SESTD1: variants seen among roughly 807,000 people sequenced by gnomAD.
SESTD1 encodes the protein SEC14 and spectrin domain containing 1.
A neutral mutation model predicts 101.7 loss-of-function variants in SESTD1; 43 were observed. The observed-to-expected ratio is 0.42, with a 90% CI of 0.33 to 0.55. The LOEUF (loss-of-function observed/expected upper bound fraction) is 0.55. Ranked by LOEUF, SESTD1 falls within the 20% of genes least tolerant of loss-of-function variation. The probability of loss-of-function intolerance (pLI) is 0.07; values close to 1 mark genes in which losing one functional copy is unlikely to be tolerated. For synonymous variants in SESTD1, 283 were observed against 286.8 expected, an observed-to-expected ratio of 0.99 and a Z score of 0.13; for missense variants, 647 against 815.1, an observed-to-expected ratio of 0.79 and a Z score of 2.51.
chr2:179,214,138 C>A (rs1409851166), intron 1 of SESTD1, among the ~76,000 whole-genome samples: 1 of 133,988 alleles, frequency 7.5e-6, no homozygotes, highest in South Asian at 2.9e-4. Flanking sequence ...CAATATTAAC[C>A]TTAAATGTAA....
chr2:179,147,157 GAAAAA>G (rs35908478), intron 7 of SESTD1, among the ~76,000 whole-genome samples: 2 of 147,930 alleles, frequency 1.4e-5, no homozygotes, highest in Non-Finnish European at 3.0e-5. Flanking sequence ...AAAGAAGGTT[GAAAAA>G]AAAAACAGAC....
At chr2:179,203,082 C>A (rs2046541894) in intron 1 of SESTD1, among the ~76,000 whole-genome samples, 1 of 134,370 alleles carries the variant, frequency 7.4e-6, no homozygotes, top group Non-Finnish European at 1.6e-5. Context: ...AAGGGGTGAT[C>A]CCAGATGGGA....
chr2:179,149,450 T>A, intron 6 of SESTD1, 56 bp from the exon 7 acceptor site: 1 of 1,206,584 alleles, frequency 8.3e-7, no homozygotes, highest in Non-Finnish European at 1.2e-6. Flanking sequence ...TAATATGTAA[T>A]AAGGATTGTC....
At chr2:179,126,811 T>C (rs2044884369) in intron 10 of SESTD1, among the ~76,000 whole-genome samples, 3 of 152,066 alleles carry the variant, frequency 2.0e-5, no homozygotes, top group Admixed American at 2.0e-4. Flanking sequence ...CCTGTTCCTC[T>C]CGCAGTCCTC....
At chr2:179,255,090 G>A (rs1394899803) in intron 1 of SESTD1, among the ~76,000 whole-genome samples, 3 of 152,108 alleles carry the variant, frequency 2.0e-5, no homozygotes, top group African/African-American at 7.2e-5. Flanking sequence ...TGACTGCTCC[G>A]CTGACTGGGG....
chr2:179,117,660 A>G (rs1205585029), intron 13 of SESTD1, 47 bp from the exon 14 acceptor site: 12 of 1,446,176 alleles, frequency 8.3e-6, no homozygotes, highest in Non-Finnish European at 9.3e-6. Context: ...TGTTTTATTG[A>G]TTACTATTGT....
At chr2:179,196,361 G>A (rs1324617820) in intron 1 of SESTD1, among the ~76,000 whole-genome samples, 2 of 152,208 alleles carry the variant, frequency 1.3e-5, no homozygotes. Context: ...AAACTGCAAG[G>A]TGGCAGTGAG....
intron 1 of SESTD1, among the ~76,000 whole-genome samples, chr2:179,232,843 A>G (rs1425438883): frequency 6.6e-6 from 1 of 152,216 alleles, no homozygotes; most frequent in East Asian, 1.9e-4. Context: ...ACAGAGAACC[A>G]AAAGAACTAT....
intron 1 of SESTD1, among the ~76,000 whole-genome samples, chr2:179,227,592 A>G (rs2046907305): frequency 6.6e-6 from 1 of 152,232 alleles, no homozygotes; most frequent in African/African-American, 2.4e-5. Flanking sequence ...AAAATCTAAT[A>G]TTTAAAAATA....
intron 9 of SESTD1, among the ~76,000 whole-genome samples, chr2:179,134,532 T>C (rs1020914845): frequency 1.3e-5 from 2 of 152,210 alleles, no homozygotes; most frequent in African/African-American, 4.8e-5. Flanking sequence ...GTCGGGAACA[T>C]AGGATGTTTC....
At chr2:179,184,671 T>G (rs992596854) in intron 2 of SESTD1, among the ~76,000 whole-genome samples, 15 of 152,148 alleles carry the variant, frequency 9.9e-5, no homozygotes, top group African/African-American at 3.6e-4. Context: ...ATTACTGGCT[T>G]AAATCATCAA....
intron 1 of SESTD1, among the ~76,000 whole-genome samples, chr2:179,211,396 T>C (rs2046649346): frequency 2.2e-5 from 3 of 133,764 alleles, no homozygotes; most frequent in Admixed American, 1.5e-4. Flanking sequence ...GGCATCACAT[T>C]ACCCAACTAC....
intron 2 of SESTD1, among the ~76,000 whole-genome samples, chr2:179,186,752 A>G (rs1300918235): frequency 6.3e-5 from 9 of 143,334 alleles, no homozygotes; most frequent in African/African-American, 2.4e-4. Context: ...CAGTGGCGCG[A>G]TCTTGGCTCA....
At chr2:179,172,065 G>T in intron 5 of SESTD1, 55 bp downstream of exon 5, 1 of 1,187,036 alleles carries the variant, frequency 8.4e-7, no homozygotes, top group Non-Finnish European at 1.2e-6. Context: ...AATAATTTCA[G>T]TAAAATACTA....
intron 1 of SESTD1, among the ~76,000 whole-genome samples, chr2:179,261,958 G>GA (rs2047489529): frequency 6.6e-6 from 1 of 152,016 alleles, no homozygotes. Flanking sequence ...CCAAAAAGTA[G>GA]AAACAACCCA....
intron 1 of SESTD1, among the ~76,000 whole-genome samples, chr2:179,225,666 C>T (rs78501258): frequency 7.2e-4 from 110 of 152,174 alleles, no homozygotes; most frequent in African/African-American, 2.6e-3. Flanking sequence ...TAGATGGTAT[C>T]GTCTAGGTGT....
chr2:179,251,408 T>G (rs369307841), intron 1 of SESTD1, among the ~76,000 whole-genome samples: 1 of 152,266 alleles, frequency 6.6e-6, no homozygotes, highest in South Asian at 2.1e-4. Flanking sequence ...AGAATAACAA[T>G]GGTCACATAG....
chr2:179,144,462 C>T (rs1436277346), intron 8 of SESTD1, among the ~76,000 whole-genome samples: 1 of 151,984 alleles, frequency 6.6e-6, no homozygotes, highest in East Asian at 1.9e-4. Flanking sequence ...ATGAATGTGA[C>T]TCAATTACAG....
rs1262974678 is a variant in SESTD1 at position 179,124,468 on chromosome 2, G to A, written c.1063C>T (p.Leu355=). ...DEEDLVELKS[L]QQQLSDVCYR... ...CAAACATCACTAAGTTGTTGCTGCA[G>A]TGACTTTAGTTCCACAAGATCTTCC... The change falls in exon 11 of 18, where the codon CTG becomes TTG. Residue 355 remains leucine, a synonymous_variant. Transcript: ENST00000428443. 1.2e-6 allele frequency: 2 copies of A among 1,614,138 alleles called. No individual in the cohort carries two copies. The highest frequency in any genetic ancestry group is 1.7e-5 in the Admixed American group (1 of 60,026).
Sources: allele counts gnomAD v4.1 joint callset (sites outside exome capture counted in the v4.1 genomes callset), GRCh38; gene constraint gnomAD v4.1.1; transcripts MANE v1.5; gene names NCBI Gene and HGNC (gene_info 2026-07-23, HGNC 2026-07-21).